Variants in USP24 observed in about 807,000 individuals in gnomAD.
The protein encoded by USP24 is ubiquitin specific peptidase 24.
In USP24, 97 loss-of-function variants were observed where a neutral mutation model predicts 361.6. The ratio of observed to expected loss-of-function variants is 0.27; its 90% CI spans 0.23 to 0.32. The LOEUF is 0.32. USP24 is among the 10% of genes least tolerant of loss of function. The pLI is 1.00. For missense variants in USP24, 2,353 were observed against 3,165.6 expected, an observed-to-expected ratio of 0.74 and a Z score of 6.16; for synonymous variants, 1,098 against 1,124.6, an observed-to-expected ratio of 0.98 and a Z score of 0.47.
At chr1:55,181,430 A>G (rs559420705) in intron 1 of USP24, among the ~76,000 whole-genome samples, 16 of 152,316 alleles carry the variant, frequency 1.1e-4, no homozygotes, top group East Asian at 7.7e-4. Flanking sequence ...TCAGAAATAC[A>G]TTTAATTCAT....
In USP24 at chr1:55,121,983, A is replaced by G. The variant is rs536945768; in HGVS notation, c.4277-477T>C. ...TTAAAAGTGGAGTTGCTAAAACTTC[A>G]TTTCTGAATATTTATTTATTGAGAA... On this transcript the variant is annotated intron_variant, in intron 36 of 67. Coordinates refer to ENST00000294383, the MANE Select transcript of USP24 (RefSeq NM_015306.3). Among the ~76,000 whole-genome samples the G allele has an allele frequency of 4.6e-5, 7 of 152,286 alleles. No homozygotes were observed. In the East Asian group the frequency reaches 1.3e-3, roughly 29 times the overall value.
chr1:55,120,121 T>C lies in USP24; in HGVS notation c.4508+475A>G, dbSNP rs151197606. On this transcript the variant is annotated intron_variant, in intron 38 of 67. Transcript: ENST00000294383. The stretch of plus-strand genomic sequence containing the variant: ...TGCAGGCTCACTTGTTGAGGTAAGA[T>C]GGGGCAGGCAGAATAGTCATCTCAT... Among the ~76,000 whole-genome samples, 824 of 152,162 alleles carry C rather than the reference T, an allele frequency of 5.4e-3. 6 individuals are homozygous for C. The highest frequency in any genetic ancestry group is 7.9e-3 in the Non-Finnish European group (539 of 67,982).
chr1:55,132,939 G>A (rs1022281295), intron 30 of USP24, among the ~76,000 whole-genome samples: 4 of 152,136 alleles, frequency 2.6e-5, no homozygotes, highest in African/African-American at 7.2e-5. Flanking sequence ...TTTTGAGCAT[G>A]TATTCTAAGC....
intron 3 of USP24, 104 bp downstream of exon 3, chr1:55,176,272 G>A (rs1649974074): frequency 1.1e-6 from 1 of 870,492 alleles, no homozygotes; most frequent in Non-Finnish European, 1.7e-6. Context: ...TTCATAAACT[G>A]GTCTTATACA....
In USP24 at chr1:55,067,927, T is replaced by C. The variant is rs1012152424; in HGVS notation, c.*1118A>G. ...GATGGTTATTCAATTGCTTTATATT[T>C]ATTTCTGGGAAAATAAATCTTAAAC... On this transcript the variant is annotated 3_prime_UTR_variant, in exon 68 of 68. Coordinates refer to ENST00000294383, the MANE Select transcript of USP24 (RefSeq NM_015306.3). 6.6e-6 allele frequency: 1 copy of C among 152,286 alleles called. No homozygotes were observed. The highest frequency in any genetic ancestry group is 1.5e-5 in the Non-Finnish European group (1 of 68,052). 9.4% of individuals were successfully genotyped at this position (152,286 alleles called of 1,614,324 possible).
chr1:55,200,459 T>C (rs763635677), intron 1 of USP24, among the ~76,000 whole-genome samples: 7 of 152,198 alleles, frequency 4.6e-5, no homozygotes, highest in Admixed American at 1.3e-4. Flanking sequence ...AGACATTCAA[T>C]AGATTGCTTA....
intron 9 of USP24, among the ~76,000 whole-genome samples, chr1:55,159,375 A>C (rs1035344217): frequency 6.6e-6 from 1 of 152,326 alleles, no homozygotes; most frequent in Non-Finnish European, 1.5e-5. Context: ...CATGTTAGTA[A>C]AATTCTGAAT....
At chr1:55,118,925 G>T (rs183748048) in intron 38 of USP24, among the ~76,000 whole-genome samples, 4 of 152,304 alleles carry the variant, frequency 2.6e-5, no homozygotes, top group African/African-American at 4.8e-5. Context: ...AACAACAAGC[G>T]TTGGCTAAGA....
At position 55,125,490 on chromosome 1, in the gene USP24, C is replaced by T. The variant is rs1263551062; in HGVS notation, c.3790G>A (p.Gly1264Ser). ...TLLDEDLTKD[G>S]IEALSSRPFR... is the part of the protein sequence containing the mutation. ...GGGCGGGAAGAAAGTGCTTCTATAC[C>T]ATCTTTGGTGAGGTCTTCATCTAAT... The change falls in exon 34 of 68, where the codon GGT becomes AGT. Residue 1264 changes from glycine to serine, a missense_variant. This residue lies in a region of USP24 where 949 missense variants were observed against 1,280.5 expected (regional missense o/e 0.74). Coordinates refer to ENST00000294383, the MANE Select transcript of USP24 (RefSeq NM_015306.3). The T allele has an allele frequency of 3.1e-6, 5 of 1,613,872 alleles. No individual in the cohort carries two copies. The highest frequency in any genetic ancestry group is 4.2e-6 in the Non-Finnish European group (5 of 1,179,890).
chr1:55,083,497 T>C, intron 57 of USP24, 133 bp from the exon 58 acceptor site: 3 of 914,386 alleles, frequency 3.3e-6, no homozygotes, highest in Non-Finnish European at 4.8e-6. Context: ...TAGAAAGTAC[T>C]TGTTAAAATC....
chr1:55,117,601 G>T (rs550552342), intron 38 of USP24, among the ~76,000 whole-genome samples: 1 of 152,026 alleles, frequency 6.6e-6, no homozygotes, highest in South Asian at 2.1e-4. Flanking sequence ...GGTGGCGGGC[G>T]CCTGTAGTCC....
intron 1 of USP24, among the ~76,000 whole-genome samples, chr1:55,197,903 C>G (rs1459874458): frequency 6.6e-6 from 1 of 152,152 alleles, no homozygotes; most frequent in Non-Finnish European, 1.5e-5. Context: ...CTTTTATTTT[C>G]TCACTTGTGA....
rs750045854 is a variant in USP24, at chr1:55,215,143, C to T, written c.-30G>A. 2.5e-5 allele frequency: 30 copies of T among 1,224,040 alleles called. No homozygotes were observed. In the East Asian group the frequency reaches 9.2e-4, roughly 37 times the overall value. The allele number at this position is 1,224,040 out of a possible 1,614,324, so 75.8% of individuals were successfully genotyped here. ...TGGGCCTCCTGGCCGCCCCGGCCAG[C>T]GCACGGCGAAGCTACGGGTCCCGGG... On this transcript the variant is annotated 5_prime_UTR_variant, in exon 1 of 68. Coordinates refer to ENST00000294383, the MANE Select transcript of USP24 (RefSeq NM_015306.3).
At chr1:55,077,398 G>A (rs1645051052) in intron 61 of USP24, 98 bp from the exon 62 acceptor site, 2 of 1,101,588 alleles carry the variant, frequency 1.8e-6, no homozygotes, top group Non-Finnish European at 2.6e-6. Flanking sequence ...TCACCTTCTG[G>A]CCGACCCTGG....
At chr1:55,161,096 A>G (rs947659780) in intron 8 of USP24, among the ~76,000 whole-genome samples, 3 of 152,138 alleles carry the variant, frequency 2.0e-5, no homozygotes, top group African/African-American at 7.2e-5. Flanking sequence ...GAAATTGGCT[A>G]GGTACAGTGG....
At position 55,110,238 on chromosome 1, in the gene USP24, G is replaced by T; in HGVS notation, c.4517C>A (p.Ser1506Tyr). Residue 1506 changes from serine to tyrosine, a missense_variant, in exon 39 of 68, where the codon TCT becomes TAT. Physicochemically the swap from Ser to Tyr is moderately radical, Grantham distance 144. This residue lies in a region of USP24 where 949 missense variants were observed against 1,280.5 expected (regional missense o/e 0.74). Transcript: ENST00000294383. ...CAAATCAAAATACTCCATACACTGA[G>T]ATAACAGTCTAAAAAACAGAAAGGT... ...IMRGVNQRLLSQCMEYFDLRC... is the reference protein window; with the variant it reads ...IMRGVNQRLLYQCMEYFDLRC... 2.0e-6 allele frequency: 3 copies of T among 1,537,896 alleles called. No individual in the cohort carries two copies. The highest frequency in any genetic ancestry group is 1.8e-6 in the Non-Finnish European group (2 of 1,140,870).
intron 38 of USP24, among the ~76,000 whole-genome samples, chr1:55,113,634 G>A (rs1011738451): frequency 3.3e-5 from 5 of 152,114 alleles, no homozygotes; most frequent in African/African-American, 7.2e-5. Context: ...AATCCTCAAC[G>A]AAATATTGGC....
intron 2 of USP24, 133 bp downstream of exon 2, chr1:55,177,834 G>A (rs574595015): frequency 2.6e-6 from 2 of 781,530 alleles, no homozygotes; most frequent in Admixed American, 3.3e-5. Flanking sequence ...TTCTTCTGCA[G>A]GAGATAAGTG....
chr1:55,156,654 T>C (rs1647694560), intron 12 of USP24, among the ~76,000 whole-genome samples: 1 of 152,138 alleles, frequency 6.6e-6, no homozygotes. Flanking sequence ...ACTAGATTGA[T>C]AAACAAAGAC....
Sources: gnomAD v4.1 joint callset for allele counts (sites outside exome capture counted in the v4.1 genomes callset) on GRCh38, gnomAD v4.1.1 for gene constraint, gnomAD v4.1.1 regional missense constraint, MANE v1.5 for transcripts, NCBI Gene and HGNC (gene_info 2026-07-23, HGNC 2026-07-21) for gene names.